Variants in SEPSECS observed in about 807,000 individuals in gnomAD.
SEPSECS encodes O-phosphoseryl-tRNA(Sec) selenium transferase.
Under a neutral mutation model 52.1 loss-of-function variants are expected in SEPSECS, and 42 were observed. The ratio of observed to expected loss-of-function variants is 0.81; its 90% CI spans 0.63 to 1.04. The LOEUF is 1.04. Ranked by LOEUF, SEPSECS falls within the 50% of genes least tolerant of loss-of-function variation. The pLI is 0.00. For missense variants in SEPSECS, 590 were observed against 610.6 expected (o/e 0.97, Z 0.36); for synonymous variants, 216 against 211.4 (o/e 1.02, Z -0.19).
rs1196779660 is a variant in SEPSECS, at chr4:25,125,775, A to G, written c.1130T>C (p.Leu377Pro). ...PHNPISLAMT[L>P]KTLDEHRDKA... ...GTCACGGTGTTCATCTAGTGTTTTA[A>G]GTGTCATAGCTGAAAAAGAAAAAAG... Residue 377 changes from leucine to proline, a missense_variant, in exon 10 of 11, where the codon CTT becomes CCT. Coordinates refer to ENST00000382103, the MANE Select transcript of SEPSECS (RefSeq NM_016955.4). 1 of 1,611,532 alleles carries G rather than the reference A, an allele frequency of 6.2e-7. No homozygotes were observed. The highest frequency in any genetic ancestry group is 1.7e-5 in the Admixed American group (1 of 59,850).
chr4:25,135,038 A>G (rs1728779281), intron 8 of SEPSECS, among the ~76,000 whole-genome samples: 1 of 152,238 alleles, frequency 6.6e-6, no homozygotes, highest in Non-Finnish European at 1.5e-5. Flanking sequence ...ACATACTGGA[A>G]TCTCTGGGAT....
chr4:25,134,579 G>C (rs79689021), intron 8 of SEPSECS, among the ~76,000 whole-genome samples: 4 of 152,050 alleles, frequency 2.6e-5, no homozygotes, highest in African/African-American at 9.6e-5. Flanking sequence ...CATAATTAAG[G>C]ACCAAGTTTC....
At chr4:25,127,783 C>CGA (rs1728441298) in intron 8 of SEPSECS, among the ~76,000 whole-genome samples, 3 of 152,180 alleles carry the variant, frequency 2.0e-5, no homozygotes, top group African/African-American at 7.2e-5. Context: ...TCATGCTTCT[C>CGA]CCCTGATGAC....
At chr4:25,140,746 A>G (rs1390008880) in intron 8 of SEPSECS, among the ~76,000 whole-genome samples, 1 of 152,140 alleles carries the variant, frequency 6.6e-6, no homozygotes, top group African/African-American at 2.4e-5. Context: ...GTTAAGAATG[A>G]TTTTTACATG....
At chr4:25,125,921 A>G in intron 9 of SEPSECS, 137 bp from the exon 10 acceptor site, 1 of 686,522 alleles carries the variant, frequency 1.5e-6, no homozygotes, top group Non-Finnish European at 2.6e-6. Context: ...TGTACTTAAT[A>G]AATCTTAGGG....
At position 25,156,949 on chromosome 4, in the gene SEPSECS, C is replaced by T. The variant is rs764116710; in HGVS notation, c.295G>A (p.Gly99Ser). ...YRFIHGIGRS[G>S]DISAVQPKAA... is the part of the protein sequence containing the mutation. Reference sequence around the variant, plus strand: ...TTTGGTTGCACAGCAGAAATATCACCGGATCGTCCAATGCCATGAATGAAC... The same window carrying T: ...TTTGGTTGCACAGCAGAAATATCACTGGATCGTCCAATGCCATGAATGAAC... Residue 99 changes from glycine to serine, a missense_variant, in exon 3 of 11, where the codon GGT (glycine) becomes AGT (serine). Physicochemically the swap from Gly to Ser is moderately conservative, Grantham distance 56. Transcript: ENST00000382103. 6.8e-6 allele frequency: 11 copies of T among 1,611,992 alleles called. No homozygotes were observed. Among genetic ancestry groups the T allele is most frequent in the South Asian group, 1.1e-5 (1 of 91,028 alleles).
chr4:25,142,401 C>G (rs962839991), intron 8 of SEPSECS, among the ~76,000 whole-genome samples: 3 of 152,198 alleles, frequency 2.0e-5, no homozygotes, highest in Non-Finnish European at 4.4e-5. Flanking sequence ...CACTTTTCAC[C>G]TTCAAGCAAA....
In SEPSECS at chr4:25,125,272, T is replaced by C. The variant is rs80331662; in HGVS notation, c.1211+422A>G. 27 of 162,160 alleles carry C rather than the reference T, an allele frequency of 1.7e-4. No individual in the cohort carries two copies. The East Asian group carries it at 3.3e-3, about 20-fold the overall frequency. The allele number at this position is 162,160 out of a possible 1,614,324, so 10.0% of individuals were successfully genotyped here. ...AGTAAAATTTTCTGAGGCAGTTACA[T>C]AGGCAAGGATTGCATACTCTTTTTT... On this transcript the variant is annotated intron_variant, in intron 10 of 10. Coordinates refer to ENST00000382103, the MANE Select transcript of SEPSECS (RefSeq NM_016955.4).
rs1174327606 is a variant in SEPSECS, at chr4:25,160,261, C to G, written c.109G>C (p.Glu37Gln). The change falls in exon 1 of 11, where the codon GAG becomes CAG. Residue 37 changes from glutamate (E) to glutamine (Q), a missense_variant. Transcript: ENST00000382103. ...SHEHLIRLLL[E>Q]KGKCPENGWD... ...GGGGACCGACAGCTCGGTACCTTCTCCAGAAGCAGCCGTATGAGGTGCTCA... is the reference window on the plus strand; with the variant it reads ...GGGGACCGACAGCTCGGTACCTTCTGCAGAAGCAGCCGTATGAGGTGCTCA... The G allele has an allele frequency of 6.4e-7, 1 of 1,555,350 alleles. No individual in the cohort carries two copies. Among genetic ancestry groups the G allele is most frequent in the Admixed American group, 1.9e-5 (1 of 52,136 alleles).
At chr4:25,151,567 G>A (rs1712300608) in intron 6 of SEPSECS, among the ~76,000 whole-genome samples, 1 of 152,116 alleles carries the variant, frequency 6.6e-6, no homozygotes, top group South Asian at 2.1e-4. Flanking sequence ...ATACTAGCAT[G>A]TTTATAAATG....
intron 8 of SEPSECS, among the ~76,000 whole-genome samples, chr4:25,129,454 T>C (rs56395032): frequency 0.095 from 14,185 of 149,202 alleles, 845 homozygotes; most frequent in South Asian, 0.21. Flanking sequence ...TGAAACCCCT[T>C]ATCTACTGAA....
intron 8 of SEPSECS, among the ~76,000 whole-genome samples, chr4:25,135,484 G>A (rs114802004): frequency 1.0e-3 from 156 of 152,030 alleles, no homozygotes; most frequent in Non-Finnish European, 1.8e-3. Flanking sequence ...AAATTCCTGC[G>A]TATATACACC....
chr4:25,152,477 C>A (rs901947275), intron 5 of SEPSECS, among the ~76,000 whole-genome samples: 1 of 151,902 alleles, frequency 6.6e-6, no homozygotes, highest in African/African-American at 2.4e-5. Context: ...TATCTGGAAT[C>A]TTAAGAAATC....
In SEPSECS at chr4:25,155,028, G is replaced by A. The variant is rs1385996197; in HGVS notation, c.671C>T (p.Thr224Ile). The A allele has an allele frequency of 1.9e-6, 3 of 1,614,000 alleles. No individual in the cohort carries two copies. Among genetic ancestry groups the A allele is most frequent in the East Asian group, 2.2e-5 (1 of 44,894 alleles). Residue 224 changes from threonine (T) to isoleucine (I), a missense_variant, in exon 5 of 11, where the codon ACA becomes ATA. Thr to Ile is a moderately conservative substitution (Grantham distance 89). Coordinates refer to ENST00000382103, the MANE Select transcript of SEPSECS (RefSeq NM_016955.4). ...AGGCACCCTTGGAGCAAAACAGGAT[G>A]TAGTAGAATGAATACACAGAATGCA... is the stretch of plus-strand genomic sequence containing the variant. Reference protein sequence around the residue: ...PDCILCIHSTTSCFAPRVPDR... With the variant: ...PDCILCIHSTISCFAPRVPDR...
chr4:25,143,838 A>C (rs1711771135), intron 8 of SEPSECS, among the ~76,000 whole-genome samples: 1 of 152,202 alleles, frequency 6.6e-6, no homozygotes. Flanking sequence ...TAAGTGCTAG[A>C]AAGTTATCAG....
At chr4:25,154,975 G>A (rs1447049751) in intron 5 of SEPSECS, 23 bp downstream of exon 5, 2 of 1,610,712 alleles carry the variant, frequency 1.2e-6, no homozygotes, top group Non-Finnish European at 1.7e-6. Context: ...ACAGCTAAAG[G>A]ACAATATTCA....
Position 25,155,306 on chromosome 4 carries a change from G to T in SEPSECS, c.548-155C>A. On this transcript the variant is annotated intron_variant, in intron 4 of 10. Transcript: ENST00000382103. ...GTAATAAATACACGGCTCAGTACTG[G>T]TATTAGTCAAAGGCAGGTCAAAATA... 3.8e-6 allele frequency: 3 copies of T among 782,940 alleles called. No homozygotes were observed. In the Admixed American group the frequency reaches 7.1e-5, roughly 19 times the overall value. The allele number at this position is 782,940 out of a possible 1,614,324, so 48.5% of individuals were successfully genotyped here. A position where few individuals can be genotyped will look rare whatever the true frequency, so the allele number is the denominator to read the frequency against.
intron 8 of SEPSECS, among the ~76,000 whole-genome samples, chr4:25,139,385 T>TG (rs1553879814): frequency 5.1e-4 from 1 of 1,976 alleles, no homozygotes; most frequent in Admixed American, 4.3e-3. Context: ...AAGTTGTGTC[T>TG]TTTTTTTTTT....
chr4:25,138,224 AT>A (rs1358052518), intron 8 of SEPSECS, among the ~76,000 whole-genome samples: 1 of 152,164 alleles, frequency 6.6e-6, no homozygotes, highest in Non-Finnish European at 1.5e-5. Context: ...CTAAAATAAT[AT>A]TTTTTTAGTC....
Sources: gnomAD v4.1 joint callset for allele counts (sites outside exome capture counted in the v4.1 genomes callset) on GRCh38, gnomAD v4.1.1 for gene constraint, MANE v1.5 for transcripts, NCBI Gene and HGNC (gene_info 2026-07-23, HGNC 2026-07-21) for gene names.